JAK3: variants seen among roughly 807,000 people sequenced by gnomAD.
JAK3 encodes the protein Janus kinase 3.
Under a neutral mutation model 120.8 loss-of-function variants are expected in JAK3, and 88 were observed. The observed-to-expected ratio is 0.73, with a 90% CI of 0.61 to 0.87. The LOEUF (loss-of-function observed/expected upper bound fraction) is 0.87, where lower values mean the gene tolerates loss of function less well. Among genes scored for constraint, JAK3 ranks in the 40% least tolerant of loss-of-function variants. JAK3 has a pLI of 0.00. For synonymous variants in JAK3, 592 were observed against 628.6 expected, an observed-to-expected ratio of 0.94 and a Z score of 0.87; for missense variants, 1,254 against 1,501.4, an observed-to-expected ratio of 0.84 and a Z score of 2.72.
Position 17,842,273 on chromosome 19 carries a change from C to T in JAK3, c.861+43G>A. 1.4e-6 allele frequency: 2 copies of T among 1,477,394 alleles called. No individual in the cohort carries two copies. Among genetic ancestry groups the T allele is most frequent in the Non-Finnish European group, 1.8e-6 (2 of 1,114,220 alleles). 91.5% of individuals were successfully genotyped at this position (1,477,394 alleles called of 1,614,324 possible). ...CACTCTCCGGCCCCTCCCCGAGCCC[C>T]GCCCCCACGTTGGCCCCGCCCAGCG... On this transcript the variant is annotated intron_variant, in intron 6 of 23. Coordinates refer to ENST00000458235, the MANE Select transcript of JAK3 (RefSeq NM_000215.4). The surrounding 1 kb of genome is among the most constrained non-coding windows in gnomAD (Gnocchi z 6.4).
chr19:17,843,696 T>C lies in JAK3; in HGVS notation c.308+81A>G. Reference sequence around the variant, plus strand: ...GAAATGGGTAGTGACCATACCTCCCTGGGGCAGGGGTGTGGGCACCTCGAA... The same window carrying C: ...GAAATGGGTAGTGACCATACCTCCCCGGGGCAGGGGTGTGGGCACCTCGAA... On this transcript the variant is annotated intron_variant, in intron 3 of 23. Transcript: ENST00000458235. This position sits in a 1 kb window ranked among gnomAD's most constrained non-coding sequence, Gnocchi z 5.4. 6.5e-7 allele frequency: 1 copy of C among 1,544,686 alleles called. No individual in the cohort carries two copies.
Position 17,826,333 on chromosome 19 carries a change from C to T in JAK3, c.*410G>A, listed in dbSNP as rs1026467145. On this transcript the variant is annotated 3_prime_UTR_variant, in exon 24 of 24. Coordinates refer to ENST00000458235, the MANE Select transcript of JAK3 (RefSeq NM_000215.4). ...CTGGGAAGCAGAGGTTGCACTGAGC[C>T]GAGATCGCACCACTGCACTCCACCC... is the stretch of plus-strand genomic sequence containing the variant. The T allele has an allele frequency of 1.2e-4, 25 of 217,388 alleles. No individual in the cohort carries two copies. Among genetic ancestry groups the T allele is most frequent in the Non-Finnish European group, 1.5e-4 (16 of 105,144 alleles). The allele number at this position is 217,388 out of a possible 1,614,324, so 13.5% of individuals were successfully genotyped here.
At chr19:17,838,175 G>C (rs1735876172) in intron 11 of JAK3, 88 bp downstream of exon 11, 2 of 1,612,162 alleles carry the variant, frequency 1.2e-6, no homozygotes, top group Non-Finnish European at 1.7e-6. Flanking sequence ...ACCGAGGCAA[G>C]GTAAAATTAT....
At chr19:17,833,616 G>A (rs1321719525) in intron 17 of JAK3, among the ~76,000 whole-genome samples, 1 of 150,762 alleles carries the variant, frequency 6.6e-6, no homozygotes, top group Non-Finnish European at 1.5e-5. Flanking sequence ...CTGGGTGGCT[G>A]AGGTGGACGG....
In JAK3 at chr19:17,826,734, G is replaced by A. The variant is rs201071664; in HGVS notation, c.*9C>T. 74 of 1,613,856 alleles carry A rather than the reference G, an allele frequency of 4.6e-5. 1 individual carries two copies. Among genetic ancestry groups the A allele is most frequent in the Non-Finnish European group, 5.9e-5 (70 of 1,179,860 alleles). ...ACAGAGACCTAATCCAGAGGTCTGCGGGCAGGAGCTATGAAAAGGACAGGG... is the reference window on the plus strand; with the variant it reads ...ACAGAGACCTAATCCAGAGGTCTGCAGGCAGGAGCTATGAAAAGGACAGGG... On this transcript the variant is annotated 3_prime_UTR_variant, in exon 24 of 24. Transcript: ENST00000458235.
Position 17,828,550 on chromosome 19 carries a change from G to A in JAK3, c.3207+1558C>T, listed in dbSNP as rs79535292. Among the ~76,000 whole-genome samples the A allele has an allele frequency of 3.8e-3, 554 of 146,658 alleles. 44 individuals carry two copies. The highest frequency in any genetic ancestry group is 0.013 in the African/African-American group (505 of 37,600). On this transcript the variant is annotated intron_variant, in intron 23 of 23. Coordinates refer to ENST00000458235, the MANE Select transcript of JAK3 (RefSeq NM_000215.4). The stretch of plus-strand genomic sequence containing the variant: ...AACCACAGGTGCATGTCACCACACC[G>A]GCTATTGCTTGTATTGTTTGTAGAG...
In JAK3 at chr19:17,831,707, G is replaced by A. The variant is rs199939250; in HGVS notation, c.2772C>T (p.Ser924=). Residue 924 remains serine, a synonymous_variant, in exon 20 of 24, where the codon AGC becomes AGT. Coordinates refer to ENST00000458235, the MANE Select transcript of JAK3 (RefSeq NM_000215.4). The surrounding 1 kb of genome is among the most constrained non-coding windows in gnomAD (Gnocchi z 5.1). The part of the protein sequence containing the change: ...LQRHRARLDA[S]RLLLYSSQIC... The stretch of plus-strand genomic sequence containing the variant: ...TCTGCGAGGAATAGAGAAGGAGGCG[G>A]CTGGCATCGAGGCGCGCGCGGTGCC... 46 of 1,610,452 alleles carry A rather than the reference G, an allele frequency of 2.9e-5. 1 individual carries two copies. The highest frequency in any genetic ancestry group is 3.7e-5 in the Non-Finnish European group (44 of 1,179,048).
At chr19:17,846,234 C>T (rs1397209573) in intron 1 of JAK3, among the ~76,000 whole-genome samples, 1 of 152,120 alleles carries the variant, frequency 6.6e-6, no homozygotes, top group Non-Finnish European at 1.5e-5. Flanking sequence ...GCAATCCAGG[C>T]CTAAAGTGTC....
At chr19:17,844,474 G>T (rs200725500) in intron 1 of JAK3, 44 bp from the exon 2 acceptor site, 1 of 1,529,150 alleles carries the variant, frequency 6.5e-7, no homozygotes, top group Non-Finnish European at 8.9e-7. Flanking sequence ...GGTCAGAGGG[G>T]ATTGGACTTC....
At position 17,834,569 on chromosome 19, in the gene JAK3, A is replaced by G. The variant is rs1410068654; in HGVS notation, c.2350+2T>C. The G allele has an allele frequency of 1.8e-6, 2 of 1,085,616 alleles. No homozygotes were observed. Among genetic ancestry groups the G allele is most frequent in the Non-Finnish European group, 2.7e-6 (2 of 753,426 alleles). The allele number at this position is 1,085,616 out of a possible 1,614,324, so 67.2% of individuals were successfully genotyped here. ...CCCCACCCAACCCGTCCCAGCGGGC[A>G]CCTGAAGAGATGAGGCTATTGAGGT... On this transcript the variant is annotated splice_donor_variant, in intron 17 of 23. Coordinates refer to ENST00000458235, the MANE Select transcript of JAK3 (RefSeq NM_000215.4). LOFTEE classifies it high-confidence loss of function.
chr19:17,828,097 C>A (rs913582144), intron 23 of JAK3, among the ~76,000 whole-genome samples: 1 of 152,104 alleles, frequency 6.6e-6, no homozygotes, highest in Non-Finnish European at 1.5e-5. Context: ...CTTCTCCTAG[C>A]TTTACTCATG....
intron 1 of JAK3, among the ~76,000 whole-genome samples, chr19:17,846,320 C>T (rs1854630194): frequency 2.0e-5 from 3 of 152,092 alleles, no homozygotes; most frequent in Admixed American, 2.0e-4. Context: ...CCTGTTAAAC[C>T]AAACAGGAAG....
Position 17,843,523 on chromosome 19 carries a change from A to G in JAK3, c.309-32T>C, listed in dbSNP as rs779468691. ...GGAGAGGAGAGAACCCTGGGATGAA[A>G]GTGCAACCCAGCCTCAGTAGGAGTG... On this transcript the variant is annotated intron_variant, in intron 3 of 23. Coordinates refer to ENST00000458235, the MANE Select transcript of JAK3 (RefSeq NM_000215.4). The surrounding 1 kb of genome is among the most constrained non-coding windows in gnomAD (Gnocchi z 5.4). 1 of 1,461,052 alleles carries G rather than the reference A, an allele frequency of 6.8e-7. No individual in the cohort carries two copies. Among genetic ancestry groups the G allele is most frequent in the South Asian group, 1.2e-5 (1 of 84,470 alleles). 90.5% of individuals were successfully genotyped at this position (1,461,052 alleles called of 1,614,324 possible).
Position 17,826,864 on chromosome 19 carries a change from C to T in JAK3, c.3254G>A (p.Arg1085Gln), listed in dbSNP as rs2094204878. The stretch of plus-strand genomic sequence containing the variant: ...GGGGCCCAGGGCGCTGAATGATGGC[C>T]GGTCCTGTGGGCTAGGGGCCCAGCA... ...KLCWAPSPQDRPSFSALGPQL... is the reference protein window; with the variant it reads ...KLCWAPSPQDQPSFSALGPQL... The change falls in exon 24 of 24, where the codon CGG becomes CAG. Residue 1085 changes from arginine to glutamine, a missense_variant. Around this residue, in one of 3 missense-constraint regions of JAK3, gnomAD observed 630 missense variants for 819.8 expected, o/e 0.77. Coordinates refer to ENST00000458235, the MANE Select transcript of JAK3 (RefSeq NM_000215.4). 2 of 1,613,456 alleles carry T rather than the reference C, an allele frequency of 1.2e-6. No homozygotes were observed. Among genetic ancestry groups the T allele is most frequent in the Non-Finnish European group, 8.5e-7 (1 of 1,180,036 alleles).
chr19:17,840,215 TA>T lies in JAK3; in HGVS notation c.1254+14del. 1 of 1,582,326 alleles carries T rather than the reference TA, an allele frequency of 6.3e-7. No individual in the cohort carries two copies. Among genetic ancestry groups the T allele is most frequent in the Non-Finnish European group, 8.7e-7 (1 of 1,151,398 alleles). ...CCAGGCAGCCCTCCACTACCCACCC[TA>T]GCAGTAGACCGACCTGGACACAGAC... On this transcript the variant is annotated intron_variant, in intron 9 of 23. Coordinates refer to ENST00000458235, the MANE Select transcript of JAK3 (RefSeq NM_000215.4).
chr19:17,844,202 C>T (rs776371593), intron 2 of JAK3, 32 bp downstream of exon 2: 8 of 1,555,074 alleles, frequency 5.1e-6, no homozygotes, highest in Non-Finnish European at 7.0e-6. Context: ...CCCATCCTTC[C>T]CTCTGGCCCG....
rs201445815 is a variant in JAK3, at chr19:17,836,086, C to T, written c.1787-35G>A. On this transcript the variant is annotated intron_variant, in intron 13 of 23. Transcript: ENST00000458235. ...AGCAGGGAGAGGCGGGGTTGGGAGA[C>T]TGAACTGCACTTGTGTTGAGGAGGT... 8.1e-6 allele frequency: 13 copies of T among 1,611,166 alleles called. No homozygotes were observed. In the African/African-American group the frequency reaches 1.5e-4, roughly 18 times the overall value.
intron 21 of JAK3, 59 bp from the exon 22 acceptor site, chr19:17,830,679 CA>C: frequency 7.1e-7 from 1 of 1,402,812 alleles, no homozygotes; most frequent in Non-Finnish European, 1.0e-6. Flanking sequence ...AAGAGGGGGG[CA>C]GCCTTGGAAT....
chr19:17,841,528 G>GC lies in JAK3; in HGVS notation c.1002dup (p.Leu335AlafsTer75). 6.3e-7 allele frequency: 1 copy of GC among 1,587,274 alleles called. No homozygotes were observed. On this transcript the variant is annotated frameshift_variant, in exon 8 of 24. Coordinates refer to ENST00000458235, the MANE Select transcript of JAK3 (RefSeq NM_000215.4). LOFTEE classifies it high-confidence loss of function. This position sits in a 1 kb window ranked among gnomAD's most constrained non-coding sequence, Gnocchi z 4.1. ...GCCACGAACGACAGAGCCTCGGGCA[G>GC]CCCTGGGAACTCGGCCTCCTGCGAG...
Sources: gnomAD v4.1 joint callset for allele counts (sites outside exome capture counted in the v4.1 genomes callset) on GRCh38, gnomAD v4.1.1 for gene constraint, gnomAD v4.1.1 regional missense constraint, Gnocchi (gnomAD v3.1) non-coding constraint, MANE v1.5 for transcripts, NCBI Gene and HGNC (gene_info 2026-07-23, HGNC 2026-07-21) for gene names.